Variants in SETD5 observed in about 807,000 individuals in gnomAD.
SETD5 encodes SET domain containing 5, also known as histone-lysine N-methyltransferase SETD5.
Under a neutral mutation model 153.3 loss-of-function variants are expected in SETD5, and 44 were observed. That is an observed-to-expected ratio of 0.29 (90% CI 0.23 to 0.37). SETD5 has a LOEUF of 0.37. SETD5 is among the 10% of genes least tolerant of loss of function. The pLI is 1.00. For synonymous variants in SETD5, 716 were observed against 645.2 expected (o/e 1.11, Z -1.66); for missense variants, 1,544 against 1,768.0 (o/e 0.87, Z 2.27).
intron 20 of SETD5, among the ~76,000 whole-genome samples, chr3:9,474,156 G>A (rs2045618695): frequency 6.6e-6 from 1 of 152,150 alleles, no homozygotes; most frequent in Admixed American, 6.5e-5. Flanking sequence ...CTGTGTATCA[G>A]GCACATGATT....
rs142953535 is a variant in SETD5, at chr3:9,412,471, T to C, written c.-176-11996T>C. Among the ~76,000 whole-genome samples the C allele has an allele frequency of 1.4e-3, 204 of 146,896 alleles. 7 individuals are homozygous for C. In the East Asian group the frequency reaches 0.026, roughly 19 times the overall value. On this transcript the variant is annotated intron_variant, in intron 1 of 22. Coordinates refer to ENST00000402198, the MANE Select transcript of SETD5 (RefSeq NM_001080517.3). Reference sequence around the variant, plus strand: ...AGGCTAGAGTGCAGTAGCACAATCATTGTTCATTGTAACCTTGAACCACTG... The same window carrying C: ...AGGCTAGAGTGCAGTAGCACAATCACTGTTCATTGTAACCTTGAACCACTG...
intron 17 of SETD5, among the ~76,000 whole-genome samples, chr3:9,463,486 G>C (rs1278411963): frequency 6.6e-6 from 1 of 152,214 alleles, no homozygotes; most frequent in Non-Finnish European, 1.5e-5. Flanking sequence ...TGAGAAAGGT[G>C]CTTTGACCTA....
intron 1 of SETD5, among the ~76,000 whole-genome samples, chr3:9,414,632 A>G (rs1473931416): frequency 6.6e-6 from 1 of 152,178 alleles, no homozygotes; most frequent in African/African-American, 2.4e-5. Flanking sequence ...ATGGAAGGAT[A>G]TTGTGCAGAA....
chr3:9,453,386 A>G (rs537572226), intron 16 of SETD5, among the ~76,000 whole-genome samples: 3 of 152,108 alleles, frequency 2.0e-5, no homozygotes, highest in Non-Finnish European at 4.4e-5. Context: ...TATTAGTTTT[A>G]TTCTATACGA....
intron 10 of SETD5, 125 bp from the exon 11 acceptor site, chr3:9,443,183 C>A: frequency 1.4e-6 from 1 of 715,852 alleles, no homozygotes; most frequent in Non-Finnish European, 2.4e-6. Context: ...TAACAGATTA[C>A]CATAACTCCT....
chr3:9,470,809 T>C lies in SETD5; in HGVS notation c.3075T>C (p.Phe1025=). The change falls in exon 19 of 23, where the codon TTT becomes TTC. Residue 1025 remains phenylalanine, a synonymous_variant. Coordinates refer to ENST00000402198, the MANE Select transcript of SETD5 (RefSeq NM_001080517.3). The part of the protein sequence containing the change: ...DGGYCSPAEG[F]SSRYEHGLMK... ...GATATTGTTCCCCTGCAGAAGGATT[T>C]TCCAGCAGATATGAACATGGCTTAA... 1 of 1,613,598 alleles carries C rather than the reference T, an allele frequency of 6.2e-7. No individual in the cohort carries two copies. The highest frequency in any genetic ancestry group is 8.5e-7 in the Non-Finnish European group (1 of 1,179,674).
intron 4 of SETD5, 21 bp downstream of exon 4, chr3:9,433,971 C>G (rs745830983): frequency 2.5e-6 from 4 of 1,613,236 alleles, no homozygotes; most frequent in Non-Finnish European, 2.5e-6. Context: ...ATTTGTTTCT[C>G]TCCAGAACAG....
chr3:9,425,047 C>T (rs1380730865), intron 2 of SETD5, among the ~76,000 whole-genome samples: 1 of 117,540 alleles, frequency 8.5e-6, no homozygotes, highest in African/African-American at 3.7e-5. Flanking sequence ...TAGTTACCGA[C>T]AATGTTTCTT....
intron 19 of SETD5, among the ~76,000 whole-genome samples, chr3:9,472,757 C>T (rs2045450552): frequency 6.6e-6 from 1 of 152,012 alleles, no homozygotes; most frequent in Non-Finnish European, 1.5e-5. Flanking sequence ...TTCTCCTCTC[C>T]CTGCTTCTTT....
At chr3:9,462,896 A>G (rs1013419667) in intron 17 of SETD5, among the ~76,000 whole-genome samples, 2 of 151,800 alleles carry the variant, frequency 1.3e-5, no homozygotes, top group African/African-American at 2.4e-5. Flanking sequence ...AGCACATGGC[A>G]TAGTCTGTGG....
chr3:9,440,368 C>T, intron 7 of SETD5, 88 bp from the exon 8 acceptor site: 1 of 696,592 alleles, frequency 1.4e-6, no homozygotes, highest in Non-Finnish European at 2.6e-6. Context: ...GATAAATTTT[C>T]TCTGGAACCC....
At chr3:9,463,679 CAT>C (rs747331432) in intron 17 of SETD5, among the ~76,000 whole-genome samples, 90 of 152,224 alleles carry the variant, frequency 5.9e-4, no homozygotes, top group Admixed American at 1.0e-3. Flanking sequence ...ATCAAGGAAT[CAT>C]ATAAGAATAG....
intron 1 of SETD5, among the ~76,000 whole-genome samples, chr3:9,400,153 C>T (rs963009684): frequency 3.9e-5 from 6 of 152,222 alleles, no homozygotes; most frequent in Non-Finnish European, 2.9e-5. Flanking sequence ...ATTAGTAATT[C>T]ATAATCTCCT....
At chr3:9,444,042 C>T (rs1479602019) in intron 11 of SETD5, among the ~76,000 whole-genome samples, 1 of 152,078 alleles carries the variant, frequency 6.6e-6, no homozygotes, top group Non-Finnish European at 1.5e-5. Context: ...AGCCTGGCAA[C>T]AGAGGGAGAC....
intron 8 of SETD5, 107 bp downstream of exon 8, chr3:9,440,805 G>T (rs184590627): frequency 7.3e-7 from 1 of 1,369,592 alleles, no homozygotes; most frequent in Admixed American, 2.6e-5. Context: ...CAAGGCCATG[G>T]AATAACAGAT....
rs1156825263 is a variant in SETD5 at position 9,447,881 on chromosome 3, A to G, written c.1978A>G (p.Thr660Ala). The G allele has an allele frequency of 8.1e-6, 13 of 1,613,922 alleles. No homozygotes were observed. The highest frequency in any genetic ancestry group is 1.1e-5 in the Non-Finnish European group (13 of 1,179,894). ...EGGSNSLVTP[T>A]EAGSLDSSGE... ...AGGAAGTAACAGTTTAGTAACTCCT[A>G]CTGAAGCTGGAAGTCTAGACAGTTC... is the stretch of plus-strand genomic sequence containing the variant. Residue 660 changes from threonine to alanine, a missense_variant, in exon 15 of 23, where the codon ACT (threonine) becomes GCT (alanine). Physicochemically the swap from Thr to Ala is moderately conservative, Grantham distance 58. This residue lies in a region of SETD5 where 782 missense variants were observed against 787.2 expected (regional missense o/e 0.99). Coordinates refer to ENST00000402198, the MANE Select transcript of SETD5 (RefSeq NM_001080517.3).
chr3:9,422,226 T>G (rs1359984967), intron 1 of SETD5, among the ~76,000 whole-genome samples: 1 of 152,148 alleles, frequency 6.6e-6, no homozygotes, highest in East Asian at 1.9e-4. Flanking sequence ...TTTAGTAAGA[T>G]CTGAAGTAAT....
At chr3:9,433,490 C>A (rs1432217855) in intron 3 of SETD5, 1 of 1,290,766 alleles carries the variant, frequency 7.7e-7, no homozygotes, top group Non-Finnish European at 1.0e-6. Flanking sequence ...TTAAGAGATC[C>A]AATTAAGAAG....
rs375673884 is a variant in SETD5 at position 9,453,799 on chromosome 3, A to T, written c.2407A>T (p.Thr803Ser). 2.0e-5 allele frequency: 32 copies of T among 1,610,080 alleles called. No homozygotes were observed. The highest frequency in any genetic ancestry group is 2.5e-5 in the Non-Finnish European group (29 of 1,178,902). ...MTQTSSVPQE[T>S]RTQHLYQSNE... The stretch of plus-strand genomic sequence containing the variant: ...TCAAACATCATCTGTACCCCAAGAG[A>T]CTAGAACTCAGCACCTATACCAAAG... The change falls in exon 17 of 23, where the codon ACT (threonine) becomes TCT (serine). Residue 803 changes from threonine to serine, a missense_variant. Physicochemically the swap from Thr to Ser is moderately conservative, Grantham distance 58. This residue lies in a region of SETD5 where 782 missense variants were observed against 787.2 expected (regional missense o/e 0.99). Transcript: ENST00000402198.
Sources: gnomAD v4.1 joint callset for allele counts (sites outside exome capture counted in the v4.1 genomes callset) on GRCh38, gnomAD v4.1.1 for gene constraint, gnomAD v4.1.1 regional missense constraint, MANE v1.5 for transcripts, NCBI Gene and HGNC (gene_info 2026-07-23, HGNC 2026-07-21) for gene names.